The following IP6K1 variants were observed in gnomAD, a reference collection of about 807,000 sequenced individuals.
IP6K1 encodes ATP:1D-myo-inositol-hexakisphosphate phosphotransferase.
A neutral mutation model predicts 38.3 loss-of-function variants in IP6K1; 13 were observed. The observed-to-expected ratio is 0.34, with a 90% CI of 0.22 to 0.54. The LOEUF is 0.54. Ranked by LOEUF, IP6K1 falls within the 20% of genes least tolerant of loss-of-function variation. The probability of loss-of-function intolerance (pLI) is 0.92; values close to 1 mark genes in which losing one functional copy is unlikely to be tolerated. For missense variants in IP6K1, 397 were observed against 599.8 expected, an observed-to-expected ratio of 0.66 and a Z score of 3.53; for synonymous variants, 212 against 229.9, an observed-to-expected ratio of 0.92 and a Z score of 0.70.
intron 3 of IP6K1, among the ~76,000 whole-genome samples, chr3:49,734,510 C>T (rs3206653): frequency 0.044 from 6,507 of 148,722 alleles, 214 homozygotes; most frequent in Non-Finnish European, 0.059. Context: ...TGGCATAAGT[C>T]GCACAGATTC....
intron 1 of IP6K1, chr3:49,775,637 C>A: frequency 2.6e-6 from 2 of 779,288 alleles, no homozygotes; most frequent in Non-Finnish European, 3.8e-6. Context: ...CCCTTCCTCC[C>A]CACAACATCA....
At chr3:49,774,020 A>ACAC (rs1559715362) in intron 1 of IP6K1, among the ~76,000 whole-genome samples, 2 of 141,452 alleles carry the variant, frequency 1.4e-5, no homozygotes, top group African/African-American at 5.4e-5. Flanking sequence ...CACACACACA[A>ACAC]CACACACATA....
intron 1 of IP6K1, among the ~76,000 whole-genome samples, chr3:49,769,077 A>C (rs772258141): frequency 2.0e-4 from 30 of 152,328 alleles, no homozygotes; most frequent in Middle Eastern, 3.4e-3. Flanking sequence ...AAAGAATTCT[A>C]CATTAAAAAC....
Position 49,727,581 on chromosome 3 carries a change from G to A in IP6K1, c.867C>T (p.Phe289=), listed in dbSNP as rs1381372871. 1 of 1,614,212 alleles carries A rather than the reference G, an allele frequency of 6.2e-7. No homozygotes were observed. The change falls in exon 6 of 6, where the codon TTC becomes TTT. Residue 289 remains phenylalanine (F), a synonymous_variant. Transcript: ENST00000321599. The surrounding 1 kb of genome is among the most constrained non-coding windows in gnomAD (Gnocchi z 5.9). ...GCAGATATTGATAGAGGGCATTGCG[G>A]AAGCCTTCAATGGAGAGCCCACGGC... is the stretch of plus-strand genomic sequence containing the variant. The part of the protein sequence containing the change: ...YYGRGLSIEG[F]RNALYQYLHN...
intron 1 of IP6K1, chr3:49,758,353 C>T (rs1344701556): frequency 8.3e-6 from 1 of 120,316 alleles, no homozygotes; most frequent in Non-Finnish European, 1.8e-5. Flanking sequence ...TAGCTTTAAA[C>T]AAGAAAACTC....
intron 1 of IP6K1, among the ~76,000 whole-genome samples, chr3:49,760,871 C>T (rs1462085584): frequency 6.6e-6 from 1 of 152,106 alleles, no homozygotes; most frequent in African/African-American, 2.4e-5. Context: ...TTCAATGTGC[C>T]AATTCACCTA....
intron 4 of IP6K1, among the ~76,000 whole-genome samples, chr3:49,731,333 G>A (rs1195366957): frequency 2.0e-5 from 3 of 152,078 alleles, no homozygotes; most frequent in Admixed American, 6.6e-5. Context: ...CAGAGCAATC[G>A]CATCTTAGCA....
chr3:49,728,334 A>C, intron 4 of IP6K1, 56 bp from the exon 5 acceptor site: 1 of 1,569,648 alleles, frequency 6.4e-7, no homozygotes, highest in Non-Finnish European at 8.7e-7. Flanking sequence ...CCAGCCAGGA[A>C]AGCACAACCC....
In IP6K1 at chr3:49,727,663, C is replaced by A. The variant is rs762887906; in HGVS notation, c.793-8G>T. 3 of 1,610,084 alleles carry A rather than the reference C, an allele frequency of 1.9e-6. No homozygotes were observed. Among genetic ancestry groups the A allele is most frequent in the Non-Finnish European group, 2.5e-6 (3 of 1,177,008 alleles). ...TGTGTCCAGCTGGTACACCTGAAAC[C>A]CCAGGAGGCAGACAGGGTGAGTGCC... On this transcript the variant is annotated splice_region_variant and splice_polypyrimidine_tract_variant and intron_variant, in intron 5 of 5. Coordinates refer to ENST00000321599, the MANE Select transcript of IP6K1 (RefSeq NM_153273.4). The surrounding 1 kb of genome is among the most constrained non-coding windows in gnomAD (Gnocchi z 5.9).
At chr3:49,756,421 C>T (rs1020427215) in intron 1 of IP6K1, among the ~76,000 whole-genome samples, 2 of 152,072 alleles carry the variant, frequency 1.3e-5, no homozygotes, top group Non-Finnish European at 2.9e-5. Context: ...TTGACATCAG[C>T]TGTGTCAAAT....
intron 1 of IP6K1, among the ~76,000 whole-genome samples, chr3:49,754,995 C>T (rs1327093830): frequency 6.7e-6 from 1 of 149,412 alleles, no homozygotes. Context: ...CAACACAGTT[C>T]ACTACATCAC....
At chr3:49,775,189 A>G in intron 1 of IP6K1, 1 of 158,116 alleles carries the variant, frequency 6.3e-6, no homozygotes, top group Non-Finnish European at 1.4e-5. Flanking sequence ...TAAGCATCAA[A>G]ATCACCAACA....
At chr3:49,751,896 T>G (rs544706182) in intron 1 of IP6K1, among the ~76,000 whole-genome samples, 4 of 152,232 alleles carry the variant, frequency 2.6e-5, no homozygotes, top group East Asian at 1.9e-4. Flanking sequence ...AATAGTTAGG[T>G]TGACTTTCTG....
intron 3 of IP6K1, among the ~76,000 whole-genome samples, chr3:49,733,590 T>C (rs1299850344): frequency 1.3e-5 from 2 of 152,214 alleles, no homozygotes. Flanking sequence ...AGGAATGAAA[T>C]TCCTATACAT....
At chr3:49,778,017 CT>C (rs904594984) in intron 1 of IP6K1, among the ~76,000 whole-genome samples, 46 of 146,586 alleles carry the variant, frequency 3.1e-4, no homozygotes, top group Admixed American at 5.5e-4. Context: ...AGTGAAATGA[CT>C]TTTTTTTTTT....
intron 4 of IP6K1, among the ~76,000 whole-genome samples, chr3:49,731,047 T>TGA (rs918459751): frequency 6.6e-6 from 1 of 151,384 alleles, no homozygotes; most frequent in Admixed American, 6.6e-5. Context: ...AACCAGTGAA[T>TGA]GAGAGAGAGA....
In IP6K1 at chr3:49,725,426, C is replaced by T. The variant is rs887313709; in HGVS notation, c.*1696G>A. ...ACAGGCAAGCTGTCCCTCCCAGCCC[C>T]AAAGAATGGGAACCTGCCCACCAGT... On this transcript the variant is annotated 3_prime_UTR_variant, in exon 6 of 6. Coordinates refer to ENST00000321599, the MANE Select transcript of IP6K1 (RefSeq NM_153273.4). 1 of 152,292 alleles carries T rather than the reference C, an allele frequency of 6.6e-6. No homozygotes were observed. Among genetic ancestry groups the T allele is most frequent in the African/African-American group, 2.4e-5 (1 of 41,448 alleles). 9.4% of individuals were successfully genotyped at this position (152,292 alleles called of 1,614,324 possible).
chr3:49,771,212 A>AAAC (rs1559714465), intron 1 of IP6K1, among the ~76,000 whole-genome samples: 1 of 126,738 alleles, frequency 7.9e-6, no homozygotes, highest in Non-Finnish European at 1.7e-5. Context: ...AAAAAAAAAA[A>AAAC]CCCTGCCAGG....
chr3:49,750,211 T>C (rs766539656), intron 1 of IP6K1, among the ~76,000 whole-genome samples: 3 of 152,180 alleles, frequency 2.0e-5, no homozygotes, highest in Non-Finnish European at 2.9e-5. Context: ...TGTTCAGTAC[T>C]GTAGATTGGC....
Sources: allele counts gnomAD v4.1 joint callset (sites outside exome capture counted in the v4.1 genomes callset), GRCh38; gene constraint gnomAD v4.1.1; non-coding constraint Gnocchi (gnomAD v3.1); transcripts MANE v1.5; gene names NCBI Gene and HGNC (gene_info 2026-07-23, HGNC 2026-07-21).